ADAMTS8: variants seen among roughly 807,000 people sequenced by gnomAD.
ADAMTS8 encodes ADAM metallopeptidase with thrombospondin type 1 motif 8, also known as A disintegrin and metalloproteinase with thrombospondin motifs 8.
Under a neutral mutation model 64.4 loss-of-function variants are expected in ADAMTS8, and 50 were observed. The observed-to-expected ratio is 0.78, with a 90% CI of 0.62 to 0.98. ADAMTS8 has a LOEUF of 0.98. Ranked by LOEUF, ADAMTS8 falls within the 50% of genes least tolerant of loss-of-function variation. ADAMTS8 has a pLI of 0.00. For missense variants in ADAMTS8, 1,192 were observed against 1,208.2 expected (o/e 0.99, Z 0.20); for synonymous variants, 556 against 533.6 (o/e 1.04, Z -0.58).
intron 5 of ADAMTS8, among the ~76,000 whole-genome samples, 180 bp downstream of exon 5, chr11:130,414,351 G>A (rs1424810334): frequency 6.6e-6 from 1 of 151,978 alleles, no homozygotes; most frequent in Non-Finnish European, 1.5e-5. Context: ...CTCGGTGCAA[G>A]TGATCCTTCT....
chr11:130,408,569 C>T lies in ADAMTS8; in HGVS notation c.1994G>A (p.Gly665Asp). 1 of 1,614,242 alleles carries T rather than the reference C, an allele frequency of 6.2e-7. No homozygotes were observed. The highest frequency in any genetic ancestry group is 1.1e-5 in the South Asian group (1 of 91,086). Residue 665 changes from glycine (G) to aspartate (D), a missense_variant, in exon 8 of 9, where the codon GGC becomes GAC. Transcript: ENST00000257359. ...AGGCGAGTCCACCACATGGTCACAG[C>T]CGGCCTTGACACACTGGCCACGGAC... ...ICVRGQCVKAGCDHVVDSPRK... is the reference protein window; with the variant it reads ...ICVRGQCVKADCDHVVDSPRK...
chr11:130,421,455 A>G (rs1443292077), intron 1 of ADAMTS8, among the ~76,000 whole-genome samples: 1 of 152,064 alleles, frequency 6.6e-6, no homozygotes, highest in African/African-American at 2.4e-5. Context: ...TTTAGCTTCG[A>G]GGGGTGGGCT....
rs749078334 is a variant in ADAMTS8 at position 130,427,702 on chromosome 11, T to TGCCTCCTCTTCTTGGCTC, written c.567_584dup (p.Ser190_Ala195dup). 1 of 1,595,744 alleles carries TGCCTCCTCTTCTTGGCTC rather than the reference T, an allele frequency of 6.3e-7. No homozygotes were observed. The highest frequency in any genetic ancestry group is 1.7e-5 in the Admixed American group (1 of 58,212). On this transcript the variant is annotated inframe_insertion, in exon 1 of 9. Coordinates refer to ENST00000257359, the MANE Select transcript of ADAMTS8 (RefSeq NM_007037.6). Reference sequence around the variant, plus strand: ...GCGGTGGCGGCTCGCTAGCGCCTTCTGCCTCCTCTTCTTGGCTCTCCTCCT... The same window carrying TGCCTCCTCTTCTTGGCTC: ...GCGGTGGCGGCTCGCTAGCGCCTTCTGCCTCCTCTTCTTGGCTCGCCTCCTCTTCTTGGCTCTCCTCCT...
At chr11:130,409,159 T>G (rs1861923046) in intron 6 of ADAMTS8, among the ~76,000 whole-genome samples, 1 of 152,228 alleles carries the variant, frequency 6.6e-6, no homozygotes, top group Non-Finnish European at 1.5e-5. Flanking sequence ...ATGCTGGGCT[T>G]TCTAGGATAA....
At chr11:130,425,603 CT>C (rs113283111) in intron 1 of ADAMTS8, among the ~76,000 whole-genome samples, 729 of 138,590 alleles carry the variant, frequency 5.3e-3, no homozygotes, top group African/African-American at 0.01. Flanking sequence ...TTTCTTTTTT[CT>C]TTTTTTTTTT....
intron 4 of ADAMTS8, among the ~76,000 whole-genome samples, chr11:130,415,721 G>C (rs189870753): frequency 6.7e-6 from 1 of 149,926 alleles, no homozygotes; most frequent in South Asian, 2.1e-4. Context: ...TGATCCTCCT[G>C]CCTCAGCCTC....
chr11:130,414,270 T>C (rs1344612521), intron 5 of ADAMTS8, among the ~76,000 whole-genome samples: 1 of 151,790 alleles, frequency 6.6e-6, no homozygotes, highest in African/African-American at 2.4e-5. Context: ...ACTACAAGCG[T>C]GAGTCACCAT....
chr11:130,419,199 T>A lies in ADAMTS8; in HGVS notation c.814A>T (p.Ile272Phe). The A allele has an allele frequency of 6.2e-7, 1 of 1,614,184 alleles. No homozygotes were observed. Among genetic ancestry groups the A allele is most frequent in the Non-Finnish European group, 8.5e-7 (1 of 1,180,044 alleles). ...SINLMVVKVLIVEDEKWGPEV... is the reference protein window; with the variant it reads ...SINLMVVKVLFVEDEKWGPEV... ...GGGCCCCATTTTTCATCTTCTACGA[T>A]CAGCACTTTTACCACCATCAGGTTG... The change falls in exon 2 of 9, where the codon ATC becomes TTC. Residue 272 changes from isoleucine to phenylalanine, a missense_variant. Coordinates refer to ENST00000257359, the MANE Select transcript of ADAMTS8 (RefSeq NM_007037.6).
intron 1 of ADAMTS8, among the ~76,000 whole-genome samples, chr11:130,423,793 G>A (rs1027453803): frequency 2.0e-5 from 3 of 152,170 alleles, no homozygotes; most frequent in Non-Finnish European, 4.4e-5. Flanking sequence ...ACTCCATCTC[G>A]CCCCGGGTTC....
intron 1 of ADAMTS8, among the ~76,000 whole-genome samples, chr11:130,422,129 C>T (rs1862107702): frequency 1.3e-5 from 2 of 152,038 alleles, no homozygotes; most frequent in Non-Finnish European, 1.5e-5. Context: ...CATGAGTGAC[C>T]CCAGGACCTG....
chr11:130,416,831 G>A lies in ADAMTS8; in HGVS notation c.1096+109C>T. On this transcript the variant is annotated intron_variant, in intron 3 of 8. Coordinates refer to ENST00000257359, the MANE Select transcript of ADAMTS8 (RefSeq NM_007037.6). This position sits in a 1 kb window ranked among gnomAD's most constrained non-coding sequence, Gnocchi z 4.8. ...AGTCACCCTGTCAAAATTAGGAGGA[G>A]CTATTCCTAAGCAAGGGCCGCATAT... is the stretch of plus-strand genomic sequence containing the variant. 6.6e-7 allele frequency: 1 copy of A among 1,522,888 alleles called. No homozygotes were observed. Among genetic ancestry groups the A allele is most frequent in the African/African-American group, 1.4e-5 (1 of 73,222 alleles). The allele number at this position is 1,522,888 out of a possible 1,614,324, so 94.3% of individuals were successfully genotyped here. A position where few individuals can be genotyped will look rare whatever the true frequency, so the allele number is the denominator to read the frequency against.
At position 130,416,223 on chromosome 11, in the gene ADAMTS8, T is replaced by C; in HGVS notation, c.1204A>G (p.Thr402Ala). The part of the protein sequence containing the change: ...MAPLFVHLNQ[T>A]LPWSPCSAMY... ...GCGCTGCAGGGGGACCAGGGCAGCG[T>C]CTGGTTCAGGTGGACGAACAGCGGT... Residue 402 changes from threonine to alanine, a missense_variant, in exon 4 of 9, where the codon ACG becomes GCG. By Grantham distance (58) the Thr-to-Ala change is moderately conservative. Around this residue, in one of 5 missense-constraint regions of ADAMTS8, gnomAD observed 741 missense variants for 710.6 expected, o/e 1.04. Coordinates refer to ENST00000257359, the MANE Select transcript of ADAMTS8 (RefSeq NM_007037.6). The surrounding 1 kb of genome is among the most constrained non-coding windows in gnomAD (Gnocchi z 4.8). 1 of 1,595,706 alleles carries C rather than the reference T, an allele frequency of 6.3e-7. No homozygotes were observed. The highest frequency in any genetic ancestry group is 1.1e-5 in the South Asian group (1 of 87,730).
chr11:130,410,156 C>T (rs908082335), intron 6 of ADAMTS8, among the ~76,000 whole-genome samples: 4 of 152,192 alleles, frequency 2.6e-5, no homozygotes, highest in Non-Finnish European at 4.4e-5. Flanking sequence ...CCTTTCAAAG[C>T]TTCCGCTCAC....
Position 130,406,024 on chromosome 11 carries a change from A to T in ADAMTS8, c.2204T>A (p.Leu735Gln). The T allele has an allele frequency of 6.2e-7, 1 of 1,614,204 alleles. No individual in the cohort carries two copies. Residue 735 changes from leucine (L) to glutamine (Q), a missense_variant, in exon 9 of 9, where the codon CTG becomes CAG. Physicochemically the swap from Leu to Gln is moderately radical, Grantham distance 113. Around this residue, in one of 5 missense-constraint regions of ADAMTS8, gnomAD observed 290 missense variants for 297.8 expected, o/e 0.97. Coordinates refer to ENST00000257359, the MANE Select transcript of ADAMTS8 (RefSeq NM_007037.6). ...CAGGTACTGCCCATCAGCCGTCTTC[A>T]GCGCCAGGTAGTTCCCATCGTTCTG... ...GVQNDGNYLA[L>Q]KTADGQYLLN...
chr11:130,405,516 C>G lies in ADAMTS8; in HGVS notation c.*42G>C, dbSNP rs1861865340. 1.9e-6 allele frequency: 3 copies of G among 1,550,104 alleles called. No individual in the cohort carries two copies. The highest frequency in any genetic ancestry group is 2.6e-6 in the Non-Finnish European group (3 of 1,148,680). Reference sequence around the variant, plus strand: ...GGAGACCCTTGTCTGCACCTCAGTACCGCATGTCCAGGAGCACAAGACTGG... The same window carrying G: ...GGAGACCCTTGTCTGCACCTCAGTAGCGCATGTCCAGGAGCACAAGACTGG... On this transcript the variant is annotated 3_prime_UTR_variant, in exon 9 of 9. Transcript: ENST00000257359.
chr11:130,405,095 G>C lies in ADAMTS8; in HGVS notation c.*463C>G. The C allele has an allele frequency of 2.0e-6, 2 of 991,018 alleles. No individual in the cohort carries two copies. Among genetic ancestry groups the C allele is most frequent in the Non-Finnish European group, 2.4e-6 (2 of 833,642 alleles). 61.4% of individuals were successfully genotyped at this position (991,018 alleles called of 1,614,324 possible). A position where few individuals can be genotyped will look rare whatever the true frequency, so the allele number is the denominator to read the frequency against. On this transcript the variant is annotated 3_prime_UTR_variant, in exon 9 of 9. Coordinates refer to ENST00000257359, the MANE Select transcript of ADAMTS8 (RefSeq NM_007037.6). Reference sequence around the variant, plus strand: ...ACAGTCGTGGTCATTCTTGAAGACAGCTTGGGGTCCAGCTTTGGAGCCTGC... The same window carrying C: ...ACAGTCGTGGTCATTCTTGAAGACACCTTGGGGTCCAGCTTTGGAGCCTGC...
chr11:130,411,473 C>T lies in ADAMTS8; in HGVS notation c.1694G>A (p.Cys565Tyr). 1 of 1,614,202 alleles carries T rather than the reference C, an allele frequency of 6.2e-7. No individual in the cohort carries two copies. The highest frequency in any genetic ancestry group is 8.5e-7 in the Non-Finnish European group (1 of 1,180,032). Reference protein sequence around the residue: ...DPEPQNGGRYCLGRRAKYQSC... With the variant: ...DPEPQNGGRYYLGRRAKYQSC... ...CTGGTACTTGGCTCTCCGACCCAGG[C>T]AGTATCTTCCTCCATTCTGAGGCTC... Residue 565 changes from cysteine (C) to tyrosine (Y), a missense_variant, in exon 6 of 9, where the codon TGC becomes TAC. Physicochemically the swap from Cys to Tyr is radical, Grantham distance 194. Transcript: ENST00000257359. The surrounding 1 kb of genome is among the most constrained non-coding windows in gnomAD (Gnocchi z 4.2).
At chr11:130,420,353 G>A (rs1430714117) in intron 1 of ADAMTS8, among the ~76,000 whole-genome samples, 1 of 152,180 alleles carries the variant, frequency 6.6e-6, no homozygotes, top group Non-Finnish European at 1.5e-5. Flanking sequence ...TTGGAGAGAA[G>A]GCCAGATGGG....
chr11:130,419,432 T>C (rs1862071992), intron 1 of ADAMTS8, 140 bp from the exon 2 acceptor site: 1 of 1,161,880 alleles, frequency 8.6e-7, no homozygotes, highest in Non-Finnish European at 1.2e-6. Context: ...CCCCGAGGTC[T>C]CCGTGTTACT....
Sources: allele counts gnomAD v4.1 joint callset (sites outside exome capture counted in the v4.1 genomes callset), GRCh38; gene constraint gnomAD v4.1.1; regional missense constraint gnomAD v4.1.1; non-coding constraint Gnocchi (gnomAD v3.1); transcripts MANE v1.5; gene names NCBI Gene and HGNC (gene_info 2026-07-23, HGNC 2026-07-21).